The following MAPK10 variants were observed in gnomAD, a reference collection of about 807,000 sequenced individuals.
MAPK10 encodes JNK3 alpha protein kinase.
MAPK10 carries 25 observed loss-of-function variants against 59.3 expected under a neutral mutation model. The ratio of observed to expected loss-of-function variants is 0.42; its 90% CI spans 0.31 to 0.59. The LOEUF is 0.59. Among genes scored for constraint, MAPK10 ranks in the 20% least tolerant of loss-of-function variants. The pLI, the probability that MAPK10 is intolerant of heterozygous loss-of-function variation, is 0.15. For missense variants in MAPK10, 351 were observed against 568.9 expected, an observed-to-expected ratio of 0.62 and a Z score of 3.90; for synonymous variants, 190 against 200.5, an observed-to-expected ratio of 0.95 and a Z score of 0.44.
chr4:86,467,156 A>G (rs79049483), intron 1 of MAPK10, among the ~76,000 whole-genome samples: 256 of 152,346 alleles, frequency 1.7e-3, no homozygotes, highest in African/African-American at 5.9e-3. Flanking sequence ...TTGTTAACCA[A>G]AAATTATAGA....
At chr4:86,037,370 A>C (rs574179832) in intron 11 of MAPK10, among the ~76,000 whole-genome samples, 16 of 152,246 alleles carry the variant, frequency 1.1e-4, no homozygotes, top group African/African-American at 3.9e-4. Context: ...AGTATAAAAA[A>C]TTAGCCGGGC....
At chr4:86,261,603 G>A (rs1367188193) in intron 2 of MAPK10, among the ~76,000 whole-genome samples, 1 of 152,014 alleles carries the variant, frequency 6.6e-6, no homozygotes, top group Admixed American at 6.6e-5. Context: ...GATTGCTTGG[G>A]GTAAAAATAA....
chr4:86,257,758 T>G (rs529990856), intron 2 of MAPK10, among the ~76,000 whole-genome samples: 7 of 152,264 alleles, frequency 4.6e-5, no homozygotes, highest in Non-Finnish European at 1.0e-4. Context: ...TTGAACCACA[T>G]CCTCTTATAT....
rs2042193318 is a variant in MAPK10, at chr4:86,044,713, G to A, written c.1111-13282C>T. ...TCAAATGCAGTCCGTAGACTAAAGT[G>A]AGCAGGGAGAATCTCTGAGCCTCAT... On this transcript the variant is annotated intron_variant, in intron 11 of 13. Coordinates refer to ENST00000641462, the MANE Select transcript of MAPK10 (RefSeq NM_138982.4). The A allele has an allele frequency of 1.0e-5, 4 of 397,614 alleles. 1 individual carries two copies. Among genetic ancestry groups the A allele is most frequent in the Non-Finnish European group, 1.8e-5 (4 of 225,312 alleles). The allele number at this position is 397,614 out of a possible 1,614,324, so 24.6% of individuals were successfully genotyped here. A position where few individuals can be genotyped will look rare whatever the true frequency, so the allele number is the denominator to read the frequency against.
At position 86,527,364 on chromosome 4, in the gene MAPK10, A is replaced by G. The variant is rs961051904; in HGVS notation, c.-263+66546T>C. ...AAGTAGGCAAAGGACATGAACAGAT[A>G]CTTTTCAAAAGAAGACATATAAATG... On this transcript the variant is annotated intron_variant, in intron 1 of 4. Transcript: ENST00000502302. Among the ~76,000 whole-genome samples the G allele has an allele frequency of 6.0e-5, 9 of 150,602 alleles. 1 individual carries two copies. Among genetic ancestry groups the G allele is most frequent in the Admixed American group, 4.0e-4 (6 of 15,060 alleles).
At chr4:86,381,218 T>C (rs1479408110) in intron 1 of MAPK10, among the ~76,000 whole-genome samples, 3 of 152,176 alleles carry the variant, frequency 2.0e-5, no homozygotes, top group Non-Finnish European at 4.4e-5. Context: ...CCTTTCCAGA[T>C]GGCCTTACAC....
chr4:86,309,702 T>C (rs1257301248), intron 2 of MAPK10, among the ~76,000 whole-genome samples: 5 of 152,170 alleles, frequency 3.3e-5, no homozygotes, highest in Admixed American at 6.5e-5. Context: ...TCAGTGACAA[T>C]TTCACAAAAC....
intron 1 of MAPK10, among the ~76,000 whole-genome samples, chr4:86,413,483 G>A (rs980859951): frequency 6.6e-6 from 1 of 152,214 alleles, no homozygotes; most frequent in African/African-American, 2.4e-5. Context: ...AATTTCTGCT[G>A]CCTTTTGTTC....
chr4:86,338,876 T>G lies in MAPK10; in HGVS notation c.-7+15654A>C, dbSNP rs7667204. Among the ~76,000 whole-genome samples the G allele has an allele frequency of 3.8e-4, 58 of 152,228 alleles. No individual in the cohort carries two copies. In the East Asian group the frequency reaches 8.3e-3, roughly 22 times the overall value. The stretch of plus-strand genomic sequence containing the variant: ...AGTGTTAACAAAATTTAGTGCCTAG[T>G]GTTGACAAAATTCCCTACCTGACAC... On this transcript the variant is annotated intron_variant, in intron 2 of 13. Coordinates refer to ENST00000641462, the MANE Select transcript of MAPK10 (RefSeq NM_138982.4).
intron 2 of MAPK10, among the ~76,000 whole-genome samples, chr4:86,325,657 TG>T (rs1331528985): frequency 3.3e-5 from 5 of 152,236 alleles, no homozygotes; most frequent in African/African-American, 1.2e-4. Flanking sequence ...TTCCTATTTT[TG>T]TTGCAGTTTC....
At chr4:86,057,746 ACT>A (rs1192110823) in intron 11 of MAPK10, among the ~76,000 whole-genome samples, 1 of 150,176 alleles carries the variant, frequency 6.7e-6, no homozygotes, top group East Asian at 1.9e-4. Context: ...TATGTGAATA[ACT>A]CTGTTGGATA....
chr4:86,171,281 T>C (rs1225077165), intron 3 of MAPK10, among the ~76,000 whole-genome samples: 2 of 151,962 alleles, frequency 1.3e-5, no homozygotes, highest in African/African-American at 2.4e-5. Context: ...TTAATGAACC[T>C]AGGAGCTGGT....
chr4:86,426,673 T>C (rs1747320859), intron 1 of MAPK10, among the ~76,000 whole-genome samples: 1 of 152,194 alleles, frequency 6.6e-6, no homozygotes, highest in East Asian at 1.9e-4. Flanking sequence ...TAATCCTGTA[T>C]ATCCCAAACT....
chr4:86,022,151 G>C (rs1014943320), intron 13 of MAPK10, among the ~76,000 whole-genome samples: 3 of 152,242 alleles, frequency 2.0e-5, no homozygotes, highest in African/African-American at 7.2e-5. Flanking sequence ...TCTGAGGACT[G>C]CCAGCACGCT....
intron 2 of MAPK10, among the ~76,000 whole-genome samples, chr4:86,228,616 C>A (rs1468693885): frequency 6.6e-6 from 1 of 152,192 alleles, no homozygotes; most frequent in African/African-American, 2.4e-5. Context: ...ATATTGTAAG[C>A]ATAATTCTAT....
At chr4:86,129,583 C>T (rs992841823) in intron 4 of MAPK10, among the ~76,000 whole-genome samples, 3 of 152,096 alleles carry the variant, frequency 2.0e-5, no homozygotes, top group Non-Finnish European at 4.4e-5. Context: ...ATTGGGATTT[C>T]TTTGCACAAT....
rs139299996 is a variant in MAPK10, at chr4:86,054,721, A to G, written c.1110+9545T>C. Among the ~76,000 whole-genome samples the G allele has an allele frequency of 5.3e-5, 8 of 152,358 alleles. No homozygotes were observed. In the East Asian group the frequency reaches 1.5e-3, roughly 29 times the overall value. On this transcript the variant is annotated intron_variant, in intron 11 of 13. Coordinates refer to ENST00000641462, the MANE Select transcript of MAPK10 (RefSeq NM_138982.4). ...TATTCTGAGTCTAACAAACCTACTT[A>G]GAGTTCAACTCCACACTGAAAGAGT...
chr4:86,492,321 TG>T (rs1754527804), intron 1 of MAPK10, among the ~76,000 whole-genome samples: 1 of 152,240 alleles, frequency 6.6e-6, no homozygotes, highest in Non-Finnish European at 1.5e-5. Context: ...TCAGGAGCTG[TG>T]GACAATTCTT....
intron 9 of MAPK10, among the ~76,000 whole-genome samples, chr4:86,071,851 C>T (rs2048068528): frequency 6.8e-6 from 1 of 147,924 alleles, no homozygotes; most frequent in South Asian, 2.1e-4. Flanking sequence ...GTTCTTTTGG[C>T]TTAGGATTGA....
Sources: allele counts gnomAD v4.1 joint callset (sites outside exome capture counted in the v4.1 genomes callset), GRCh38; gene constraint gnomAD v4.1.1; transcripts MANE v1.5; gene names NCBI Gene and HGNC (gene_info 2026-07-23, HGNC 2026-07-21).